The following ZNF565 variants were observed in gnomAD, a reference collection of about 807,000 sequenced individuals.
ZNF565 encodes the protein zinc finger protein 565.
ZNF565 carries 27 observed loss-of-function variants against 39.4 expected under a neutral mutation model. That is an observed-to-expected ratio of 0.69 (90% CI 0.51 to 0.95). The LOEUF is 0.95. Ranked by LOEUF, ZNF565 falls within the 40% of genes least tolerant of loss-of-function variation. The probability of loss-of-function intolerance (pLI) is 0.00; values close to 1 mark genes in which losing one functional copy is unlikely to be tolerated. For synonymous variants in ZNF565, 185 were observed against 216.6 expected (o/e 0.85, Z 1.28); for missense variants, 524 against 621.1 (o/e 0.84, Z 1.66).
At position 36,208,885 on chromosome 19, in the gene ZNF565, T is replaced by A. The variant is rs1041446421; in HGVS notation, c.-66+5737A>T. 2.0e-5 allele frequency among the ~76,000 whole-genome samples: 3 copies of A among 152,182 alleles called. No homozygotes were observed. The East Asian group carries it at 5.8e-4, about 29-fold the overall frequency. ...TCTAATTCTGTCACTCAGGCTGCAG[T>A]GCAGTGGCATGATCACAGCTCATTG... On this transcript the variant is annotated intron_variant, in intron 1 of 4. Transcript: ENST00000304116.
At chr19:36,187,050 C>T (rs1260159832) in intron 4 of ZNF565, among the ~76,000 whole-genome samples, 1 of 151,958 alleles carries the variant, frequency 6.6e-6, no homozygotes, top group Non-Finnish European at 1.5e-5. Flanking sequence ...ATTATCTGGG[C>T]ATGGTGGCAC....
chr19:36,196,674 CTT>C (rs1460573576), intron 2 of ZNF565, among the ~76,000 whole-genome samples: 1 of 152,134 alleles, frequency 6.6e-6, no homozygotes, highest in Admixed American at 6.6e-5. Context: ...AATCTAATGT[CTT>C]TCAAAAATGA....
intron 1 of ZNF565, among the ~76,000 whole-genome samples, chr19:36,203,925 C>A (rs1976058206): frequency 6.6e-6 from 1 of 150,992 alleles, no homozygotes; most frequent in African/African-American, 2.4e-5. Flanking sequence ...AAGAAGCTTC[C>A]TGTAGGGGGT....
At chr19:36,236,919 A>G (rs1977664821) in intron 1 of ZNF565, 1 of 1,614,048 alleles carries the variant, frequency 6.2e-7, no homozygotes, top group Non-Finnish European at 8.5e-7. Context: ...AAATGTAGTG[A>G]ATGTGGAACA....
intron 1 of ZNF565, chr19:36,238,715 C>T (rs1977737076): frequency 6.0e-6 from 1 of 166,976 alleles, no homozygotes; most frequent in African/African-American, 2.4e-5. Flanking sequence ...TGGACTTGCT[C>T]TCTATGTAAT....
Position 36,195,152 on chromosome 19 carries a change from A to C in ZNF565, c.14T>G (p.Leu5Arg). 6.2e-7 allele frequency: 1 copy of C among 1,613,630 alleles called. No homozygotes were observed. The highest frequency in any genetic ancestry group is 8.5e-7 in the Non-Finnish European group (1 of 1,179,582). The change falls in exon 3 of 5, where the codon CTG becomes CGG. Residue 5 changes from leucine (L) to arginine (R), a missense_variant. Transcript: ENST00000304116. MAQG[L>R]VTFRDVAIEF... Reference sequence around the variant, plus strand: ...TATGGCCACGTCCCTGAATGTCACCAGTCCCTGAAACAATAAACCCACGCA... The same window carrying C: ...TATGGCCACGTCCCTGAATGTCACCCGTCCCTGAAACAATAAACCCACGCA...
At chr19:36,228,158 C>CAAAAAAAAAAAAAAAA (rs71171422) in intron 1 of ZNF565, among the ~76,000 whole-genome samples, 1 of 106,644 alleles carries the variant, frequency 9.4e-6, no homozygotes. Context: ...GAAACTGTCT[C>CAAAAAAAAAAAAAAAA]AAAAAAAAAA....
At chr19:36,218,702 C>G (rs891078299), upstream of ZNF565, among the ~76,000 whole-genome samples, 8 of 152,088 alleles carry the variant, frequency 5.3e-5, no homozygotes, top group African/African-American at 1.9e-4. Flanking sequence ...ATCTCCTGAC[C>G]TTGTGATCCA....
intron 2 of ZNF565, among the ~76,000 whole-genome samples, chr19:36,201,723 C>A (rs889310676): frequency 9.9e-5 from 15 of 152,054 alleles, no homozygotes; most frequent in Non-Finnish European, 2.9e-5. Context: ...AATCGGCCCA[C>A]CTCAGCCTCC....
chr19:36,189,812 AGTT>A (rs1405183570), intron 4 of ZNF565, among the ~76,000 whole-genome samples: 2 of 151,944 alleles, frequency 1.3e-5, no homozygotes, highest in African/African-American at 4.8e-5. Context: ...GTACCCATAA[AGTT>A]GTTTTTGTTT....
At chr19:36,244,837 A>AAG (rs1291728248) in intron 1 of ZNF565, among the ~76,000 whole-genome samples, 1 of 142,888 alleles carries the variant, frequency 7.0e-6, no homozygotes, top group East Asian at 2.1e-4. Context: ...GCGACAGAGC[A>AAG]AGACTACGTC....
At chr19:36,227,128 C>T (rs1214125174) in intron 1 of ZNF565, among the ~76,000 whole-genome samples, 2 of 150,930 alleles carry the variant, frequency 1.3e-5, no homozygotes, top group East Asian at 1.9e-4. Flanking sequence ...GTGGCTCACA[C>T]CTGTAATCCC....
At chr19:36,201,738 G>A (rs1975972046) in intron 2 of ZNF565, among the ~76,000 whole-genome samples, 1 of 152,064 alleles carries the variant, frequency 6.6e-6, no homozygotes, top group African/African-American at 2.4e-5. Flanking sequence ...GCCTCCTAAA[G>A]TGCTGAGATT....
At chr19:36,196,393 TGAA>T (rs1161711522) in intron 2 of ZNF565, among the ~76,000 whole-genome samples, 1 of 152,098 alleles carries the variant, frequency 6.6e-6, no homozygotes, top group African/African-American at 2.4e-5. Flanking sequence ...TTGGAGGAGA[TGAA>T]GAAGGGTACT....
At chr19:36,231,371 G>A (rs1163817475) in intron 1 of ZNF565, among the ~76,000 whole-genome samples, 7 of 151,948 alleles carry the variant, frequency 4.6e-5, no homozygotes, top group East Asian at 1.9e-4. Flanking sequence ...CACCACACCC[G>A]GCTAATTTTT....
intron 4 of ZNF565, among the ~76,000 whole-genome samples, chr19:36,192,905 C>T (rs1053196220): frequency 6.6e-6 from 1 of 152,062 alleles, no homozygotes; most frequent in African/African-American, 2.4e-5. Context: ...CAATCTCCAC[C>T]TCATGGGTTC....
intron 1 of ZNF565, among the ~76,000 whole-genome samples, chr19:36,235,141 G>T (rs1431400912): frequency 6.6e-6 from 1 of 151,282 alleles, no homozygotes; most frequent in Admixed American, 6.6e-5. Flanking sequence ...CCCAGGAGGC[G>T]GAGGCTGCAG....
chr19:36,220,305 CACTTTAAATGGTATAGT>C, intron 1 of ZNF565, among the ~76,000 whole-genome samples: 2 of 146,280 alleles, frequency 1.4e-5, no homozygotes, highest in Non-Finnish European at 3.1e-5. Context: ...ATTTCTAATT[CACTTTAAATGGTATAGT>C]ATTTTTACCT....
chr19:36,212,128 G>C lies in ZNF565; in HGVS notation c.-66+2494C>G, dbSNP rs146301028. Reference sequence around the variant, plus strand: ...GGTCCCTGGCATGATGCGCCGAGAAGGGTACATCGCTTTCGGAGTATTCTT... The same window carrying C: ...GGTCCCTGGCATGATGCGCCGAGAACGGTACATCGCTTTCGGAGTATTCTT... On this transcript the variant is annotated intron_variant, in intron 1 of 4. Coordinates refer to ENST00000304116, the MANE Select transcript of ZNF565 (RefSeq NM_152477.5). Among the ~76,000 whole-genome samples the C allele has an allele frequency of 8.9e-4, 136 of 152,278 alleles. No individual in the cohort carries two copies. The East Asian group carries it at 0.018, about 20-fold the overall frequency.
Sources: allele counts gnomAD v4.1 joint callset (sites outside exome capture counted in the v4.1 genomes callset), GRCh38; gene constraint gnomAD v4.1.1; transcripts MANE v1.5; gene names NCBI Gene and HGNC (gene_info 2026-07-23, HGNC 2026-07-21).